Variants in IL1RAPL2 observed in about 807,000 individuals in gnomAD.
The protein encoded by IL1RAPL2 is interleukin 1 receptor accessory protein like 2.
A neutral mutation model predicts 44.1 loss-of-function variants in IL1RAPL2; 3 were observed. That is an observed-to-expected ratio of 0.07 (90% CI 0.03 to 0.18). The LOEUF is 0.18. IL1RAPL2 is among the 10% of genes least tolerant of loss of function. The pLI, the probability that IL1RAPL2 is intolerant of heterozygous loss-of-function variation, is 1.00. For missense variants in IL1RAPL2, 391 were observed against 496.4 expected (o/e 0.79, Z 2.02); for synonymous variants, 181 against 178.8 (o/e 1.01, Z -0.10).
chrX:105,384,082 T>C (rs1165330800), intron 5 of IL1RAPL2, among the ~76,000 whole-genome samples: 2 of 111,797 alleles, frequency 1.8e-5, no homozygotes, highest in East Asian at 5.6e-4. Flanking sequence ...GTCAATTGTT[T>C]CTTTTGCTGT....
At chrX:104,950,340 G>T (rs898063790) in intron 2 of IL1RAPL2, among the ~76,000 whole-genome samples, 7 of 112,272 alleles carry the variant, frequency 6.2e-5, no homozygotes, top group Non-Finnish European at 9.4e-5. Flanking sequence ...ATCTCCAGCT[G>T]CGTGCTGGGA....
chrX:105,351,774 TATA>T lies in IL1RAPL2; in HGVS notation c.697+84244_697+84246del, dbSNP rs763607593. On this transcript the variant is annotated intron_variant, in intron 5 of 10. Transcript: ENST00000372582. ...TGCACTTGTACCCCAGAACTTAAAGTATAATAATAATAAAAAAAATCTTGAACT... is the reference window on the plus strand; with the variant it reads ...TGCACTTGTACCCCAGAACTTAAAGTATAATAATAAAAAAAATCTTGAACT... Among the ~76,000 whole-genome samples, 7 of 111,231 alleles carry T rather than the reference TATA, an allele frequency of 6.3e-5. No individual in the cohort carries two copies. In the Admixed American group the frequency reaches 6.7e-4, roughly 11 times the overall value.
intron 5 of IL1RAPL2, among the ~76,000 whole-genome samples, chrX:105,420,408 A>C (rs2035765661): frequency 1.8e-5 from 2 of 111,589 alleles, no homozygotes; most frequent in Non-Finnish European, 3.8e-5. Context: ...ATTCTAGTTC[A>C]GAGAAAGTTT....
At chrX:104,582,860 C>T (rs752402440) in intron 1 of IL1RAPL2, among the ~76,000 whole-genome samples, 2 of 73,958 alleles carry the variant, frequency 2.7e-5, no homozygotes, top group African/African-American at 1.1e-4. Context: ...TTCTTTCTTT[C>T]TTTCTTTCTT....
intron 2 of IL1RAPL2, among the ~76,000 whole-genome samples, chrX:104,775,042 T>A (rs1048227479): frequency 8.9e-6 from 1 of 112,438 alleles, no homozygotes; most frequent in South Asian, 3.7e-4. Flanking sequence ...GTGCACCGAG[T>A]GTCAGCAGTC....
intron 6 of IL1RAPL2, among the ~76,000 whole-genome samples, chrX:105,564,484 A>T (rs2036960736): frequency 8.9e-6 from 1 of 112,282 alleles, no homozygotes; most frequent in South Asian, 3.6e-4. Context: ...ACCATTTAGT[A>T]TTTGAAGGCT....
intron 5 of IL1RAPL2, among the ~76,000 whole-genome samples, chrX:105,377,889 A>G (rs1013154974): frequency 7.2e-5 from 8 of 111,871 alleles, no homozygotes; most frequent in African/African-American, 2.6e-4. Flanking sequence ...ACCTAAACTC[A>G]AACTTGAAGA....
chrX:105,170,983 G>C (rs1024254790), intron 2 of IL1RAPL2, among the ~76,000 whole-genome samples: 24 of 111,399 alleles, frequency 2.2e-4, no homozygotes, highest in African/African-American at 7.8e-4. Context: ...GGTAAAGGGT[G>C]GTAGACTTCC....
intron 6 of IL1RAPL2, among the ~76,000 whole-genome samples, chrX:105,566,994 C>T (rs780597779): frequency 9.0e-6 from 1 of 111,234 alleles, no homozygotes; most frequent in South Asian, 3.8e-4. Flanking sequence ...TGAGCAGATG[C>T]ATTTAGGGAA....
intron 2 of IL1RAPL2, among the ~76,000 whole-genome samples, chrX:104,762,080 C>T (rs1348028198): frequency 2.8e-5 from 3 of 108,136 alleles, no homozygotes; most frequent in Admixed American, 1.0e-4. Context: ...TCACTGCAAC[C>T]TCTGCCTCCT....
intron 6 of IL1RAPL2, among the ~76,000 whole-genome samples, chrX:105,497,675 A>C (rs2036365534): frequency 8.9e-6 from 1 of 111,915 alleles, no homozygotes; most frequent in Non-Finnish European, 1.9e-5. Context: ...AAAGTCTTCA[A>C]CAAAATACTA....
At chrX:105,481,202 A>G (rs773923657) in intron 5 of IL1RAPL2, among the ~76,000 whole-genome samples, 3 of 111,894 alleles carry the variant, frequency 2.7e-5, no homozygotes, top group Non-Finnish European at 5.6e-5. Flanking sequence ...TACAACTTAT[A>G]TCCTGTTTTC....
intron 5 of IL1RAPL2, among the ~76,000 whole-genome samples, chrX:105,319,187 A>C (rs1197909182): frequency 8.9e-6 from 1 of 111,890 alleles, no homozygotes; most frequent in Non-Finnish European, 1.9e-5. Flanking sequence ...TTTCAACCTG[A>C]AAAATATTCC....
In IL1RAPL2 at chrX:105,684,895, T is replaced by A. The variant is rs1188185890; in HGVS notation, c.773-32472T>A. ...TTTGCTGTTCTGCAGCCTCTGCTGG[T>A]GATACCCAGGCAAACAGGGTCTGGA... On this transcript the variant is annotated intron_variant, in intron 6 of 10. Coordinates refer to ENST00000372582, the MANE Select transcript of IL1RAPL2 (RefSeq NM_017416.2). Among the ~76,000 whole-genome samples the A allele has an allele frequency of 4.5e-5, 5 of 111,966 alleles. No homozygotes were observed. In the Admixed American group the frequency reaches 4.7e-4, roughly 11 times the overall value.
intron 2 of IL1RAPL2, among the ~76,000 whole-genome samples, chrX:104,689,716 G>A (rs1310831656): frequency 9.0e-6 from 1 of 111,691 alleles, no homozygotes; most frequent in African/African-American, 3.3e-5. Flanking sequence ...ACAAAAGGAA[G>A]ATTCAACTTA....
At chrX:104,662,060 GT>G (rs1470638288) in intron 2 of IL1RAPL2, among the ~76,000 whole-genome samples, 1 of 112,367 alleles carries the variant, frequency 8.9e-6, no homozygotes, top group Admixed American at 9.5e-5. Flanking sequence ...AAGGGTGGAA[GT>G]TTTTTCTTCT....
chrX:105,286,257 C>T (rs2034569970), intron 5 of IL1RAPL2, among the ~76,000 whole-genome samples: 1 of 110,517 alleles, frequency 9.0e-6, no homozygotes. Context: ...CCCTGGATGA[C>T]CTTGGGGAGA....
intron 3 of IL1RAPL2, among the ~76,000 whole-genome samples, chrX:105,226,385 C>CTTTTTTTTTTTTT (rs35192051): frequency 7.5e-5 from 4 of 53,330 alleles, no homozygotes; most frequent in African/African-American, 3.8e-4. Context: ...TTTCTTTTCC[C>CTTTTTTTTTTTTT]TTTTTTTTTT....
intron 2 of IL1RAPL2, among the ~76,000 whole-genome samples, chrX:105,174,725 A>G (rs2033456342): frequency 9.0e-6 from 1 of 111,375 alleles, no homozygotes; most frequent in African/African-American, 3.3e-5. Flanking sequence ...CAACATAAGG[A>G]GGGACAAATT....
Sources: gnomAD v4.1 joint callset for allele counts (sites outside exome capture counted in the v4.1 genomes callset) on GRCh38, gnomAD v4.1.1 for gene constraint, MANE v1.5 for transcripts, NCBI Gene and HGNC (gene_info 2026-07-23, HGNC 2026-07-21) for gene names.